ZNF782: variants seen among roughly 807,000 people sequenced by gnomAD.
ZNF782 encodes zinc finger protein 782.
Under a neutral mutation model 13.0 loss-of-function variants are expected in ZNF782, and 12 were observed. The ratio of observed to expected loss-of-function variants is 0.92; its 90% CI spans 0.59 to 1.50. The LOEUF is 1.50. ZNF782 is among the 40% of genes most tolerant of loss of function. The probability of loss-of-function intolerance (pLI) is 0.00; values close to 1 mark genes in which losing one functional copy is unlikely to be tolerated. For synonymous variants in ZNF782, 284 were observed against 283.0 expected (o/e 1.00, Z -0.04); for missense variants, 770 against 822.9 (o/e 0.94, Z 0.79).
At chr9:96,913,494 G>A in the ZNF782 span, among the ~76,000 whole-genome samples, 1 of 151,700 alleles carries the variant, frequency 6.6e-6, no homozygotes, top group Non-Finnish European at 1.5e-5. Flanking sequence ...TGACAAATGC[G>A]CCCTTCTAAA....
the ZNF782 span, among the ~76,000 whole-genome samples, chr9:96,884,213 G>T: frequency 1.3e-5 from 2 of 152,204 alleles, no homozygotes; most frequent in African/African-American, 4.8e-5. Context: ...GAAGCAGACA[G>T]TGCTCTGATT....
At chr9:96,880,409 C>CT (rs554496335), upstream of ZNF782, among the ~76,000 whole-genome samples, 225 of 152,268 alleles carry the variant, frequency 1.5e-3, no homozygotes, top group Non-Finnish European at 2.3e-3. Context: ...GTGATGCTAG[C>CT]TTTAGTTAAT....
intron 4 of ZNF782, among the ~76,000 whole-genome samples, chr9:96,838,888 G>A (rs1851094460): frequency 6.6e-6 from 1 of 151,778 alleles, no homozygotes; most frequent in African/African-American, 2.4e-5. Flanking sequence ...GCTAATTTTT[G>A]TATTTTTAGT....
intron 5 of ZNF782, among the ~76,000 whole-genome samples, chr9:96,823,867 T>G (rs950794942): frequency 6.6e-6 from 1 of 152,062 alleles, no homozygotes; most frequent in South Asian, 2.1e-4. Flanking sequence ...AGATAAGAGT[T>G]GATTCATAGA....
chr9:96,917,942 G>C, the ZNF782 span, among the ~76,000 whole-genome samples: 1 of 150,044 alleles, frequency 6.7e-6, no homozygotes, highest in Non-Finnish European at 1.5e-5. Context: ...ATGGGGGTCT[G>C]TGTTGCCCAG....
chr9:96,823,537 T>C (rs1345408931), intron 5 of ZNF782, among the ~76,000 whole-genome samples: 1 of 152,214 alleles, frequency 6.6e-6, no homozygotes, highest in African/African-American at 2.4e-5. Context: ...CTTTCTCTTC[T>C]CTGTTTTTTG....
chr9:96,833,497 A>G (rs944588949), intron 4 of ZNF782, among the ~76,000 whole-genome samples: 2 of 152,212 alleles, frequency 1.3e-5, no homozygotes, highest in Non-Finnish European at 2.9e-5. Context: ...CCTCATAACT[A>G]AAGTGGGGTT....
chr9:96,836,793 CA>C (rs1313857700), intron 4 of ZNF782, among the ~76,000 whole-genome samples: 2 of 152,064 alleles, frequency 1.3e-5, no homozygotes, highest in Non-Finnish European at 2.9e-5. Flanking sequence ...AATGCCCTCC[CA>C]AAGGGTTGAG....
the ZNF782 span, among the ~76,000 whole-genome samples, chr9:96,884,845 T>C: frequency 6.6e-6 from 1 of 152,160 alleles, no homozygotes; most frequent in Non-Finnish European, 1.5e-5. Context: ...ATTCATGGTC[T>C]CATAATATAG....
chr9:96,828,079 T>C (rs1850686240), intron 4 of ZNF782, among the ~76,000 whole-genome samples: 1 of 152,200 alleles, frequency 6.6e-6, no homozygotes, highest in Admixed American at 6.5e-5. Flanking sequence ...CAGAAGGGTC[T>C]CCTGAGTACT....
At chr9:96,878,281 C>T (rs759953206), upstream of ZNF782, among the ~76,000 whole-genome samples, 9 of 152,204 alleles carry the variant, frequency 5.9e-5, no homozygotes, top group Non-Finnish European at 1.2e-4. Flanking sequence ...AACTCCTGAC[C>T]TCAGGTGATC....
chr9:96,832,287 T>C (rs1391842737), intron 4 of ZNF782, among the ~76,000 whole-genome samples: 1 of 152,214 alleles, frequency 6.6e-6, no homozygotes, highest in African/African-American at 2.4e-5. Flanking sequence ...TTCCTGTTTA[T>C]AATATGATAA....
chr9:96,823,678 C>T (rs188274176), intron 5 of ZNF782, among the ~76,000 whole-genome samples: 1 of 152,196 alleles, frequency 6.6e-6, no homozygotes, highest in East Asian at 1.9e-4. Flanking sequence ...TAGTTTATTG[C>T]CTTAGCAATT....
rs1851545330 is a variant in ZNF782, at chr9:96,852,996, TATCATCATGC to T, written c.-198_-189del. On this transcript the variant is annotated 5_prime_UTR_variant, in exon 2 of 6. It removes an upstream start codon present in the reference 5' UTR. Transcript: ENST00000481138. ...AGATAGCCACGGAAAACCCTTCATG[TATCATCATGC>T]ATGGGATTCTATGAGGTAGGGACAA... 6.6e-6 allele frequency: 1 copy of T among 152,652 alleles called. No homozygotes were observed. Among genetic ancestry groups the T allele is most frequent in the African/African-American group, 2.4e-5 (1 of 41,442 alleles). 9.5% of individuals were successfully genotyped at this position (152,652 alleles called of 1,614,324 possible).
chr9:96,894,879 A>G, the ZNF782 span: 1 of 152,072 alleles, frequency 6.6e-6, no homozygotes, highest in Non-Finnish European at 1.5e-5. Flanking sequence ...ATGCACCATC[A>G]TACCTGGCTA....
chr9:96,917,461 T>A, the ZNF782 span, among the ~76,000 whole-genome samples: 1 of 151,840 alleles, frequency 6.6e-6, no homozygotes, highest in Non-Finnish European at 1.5e-5. Context: ...AGACAGAGTC[T>A]AGCTCTGTGA....
the ZNF782 span, chr9:96,895,466 T>G: frequency 7.2e-5 from 11 of 152,184 alleles, no homozygotes; most frequent in Admixed American, 5.9e-4. Context: ...TTGGGCCAGT[T>G]TGCAGACCCA....
chr9:96,886,057 A>G, the ZNF782 span, among the ~76,000 whole-genome samples: 3 of 152,290 alleles, frequency 2.0e-5, no homozygotes, highest in African/African-American at 7.2e-5. Context: ...TATGTTGCCC[A>G]GGCTGGTCTT....
chr9:96,911,509 TG>T, the ZNF782 span, among the ~76,000 whole-genome samples: 3 of 147,486 alleles, frequency 2.0e-5, no homozygotes, highest in East Asian at 2.2e-4. Context: ...GTTTTTTTTT[TG>T]TTTTTGTTTT....
Sources: allele counts gnomAD v4.1 joint callset (sites outside exome capture counted in the v4.1 genomes callset), GRCh38; gene constraint gnomAD v4.1.1; transcripts MANE v1.5; gene names NCBI Gene and HGNC (gene_info 2026-07-23, HGNC 2026-07-21).